The following AUTS2 variants were observed in gnomAD, a reference collection of about 807,000 sequenced individuals.
AUTS2 encodes the protein activator of transcription and developmental regulator AUTS2.
A neutral mutation model predicts 112.4 loss-of-function variants in AUTS2; 17 were observed. The ratio of observed to expected loss-of-function variants is 0.15; its 90% CI spans 0.10 to 0.23. The LOEUF (loss-of-function observed/expected upper bound fraction) is 0.23. Among genes scored for constraint, AUTS2 ranks in the 10% least tolerant of loss-of-function variants. The pLI is 1.00. For missense variants in AUTS2, 1,510 were observed against 1,701.6 expected (o/e 0.89, Z 1.98); for synonymous variants, 751 against 702.7 (o/e 1.07, Z -1.09).
At chr7:69,969,187 C>A (rs1179965084) in intron 2 of AUTS2, among the ~76,000 whole-genome samples, 1 of 151,820 alleles carries the variant, frequency 6.6e-6, no homozygotes, top group Non-Finnish European at 1.5e-5. Context: ...GTCATGGGAA[C>A]CTGAAACTCA....
At chr7:70,698,667 T>G in intron 6 of AUTS2, 47 bp downstream of exon 6, 3 of 1,404,610 alleles carry the variant, frequency 2.1e-6, no homozygotes, top group Non-Finnish European at 3.0e-6. Context: ...TTTATGTTAG[T>G]TTCATTGTCA....
At chr7:69,855,394 ACC>A (rs1334871619) in intron 1 of AUTS2, among the ~76,000 whole-genome samples, 2 of 152,184 alleles carry the variant, frequency 1.3e-5, no homozygotes, top group African/African-American at 4.8e-5. Context: ...TAGACAAGAA[ACC>A]TGACACCTGT....
intron 1 of AUTS2, among the ~76,000 whole-genome samples, chr7:69,672,272 C>G (rs1240511469): frequency 6.6e-6 from 1 of 151,760 alleles, no homozygotes; most frequent in Admixed American, 6.6e-5. Flanking sequence ...TTGGTCAGTC[C>G]GATCTCGAAC....
chr7:70,683,495 T>A (rs987469422), intron 5 of AUTS2, among the ~76,000 whole-genome samples: 2 of 152,198 alleles, frequency 1.3e-5, no homozygotes, highest in Non-Finnish European at 2.9e-5. Context: ...AAGCAGTATC[T>A]TGTTCCCAGT....
intron 5 of AUTS2, among the ~76,000 whole-genome samples, chr7:70,663,123 G>A (rs1016694139): frequency 1.1e-4 from 16 of 152,178 alleles, no homozygotes; most frequent in African/African-American, 2.9e-4. Flanking sequence ...GACCAGGTGC[G>A]ATGGCTCACG....
rs77094103 is a variant in AUTS2, at chr7:70,763,582, C to T, written c.1214+241C>T. Among the ~76,000 whole-genome samples the T allele has an allele frequency of 0.02, 3,047 of 151,530 alleles. 130 individuals are homozygous for T. The highest frequency in any genetic ancestry group is 0.067 in the African/African-American group (2,790 of 41,388). On this transcript the variant is annotated intron_variant, in intron 7 of 18. Transcript: ENST00000342771. ...AAGAAGTAAAATATTTATGGGCACT[C>T]GAGAGTGGAGGCGGAAGGAGAGGAA...
intron 4 of AUTS2, among the ~76,000 whole-genome samples, chr7:70,416,275 C>A (rs1386489545): frequency 6.6e-6 from 1 of 152,132 alleles, no homozygotes; most frequent in African/African-American, 2.4e-5. Context: ...CTACAACAAC[C>A]CATCACACTT....
intron 1 of AUTS2, chr7:69,663,157 A>G (rs768199751): frequency 5.3e-5 from 8 of 152,210 alleles, no homozygotes; most frequent in African/African-American, 9.6e-5. Flanking sequence ...TAATATTCCT[A>G]TGCCTAAGCT....
intron 5 of AUTS2, among the ~76,000 whole-genome samples, chr7:70,674,544 C>T (rs1253027832): frequency 6.6e-6 from 1 of 152,162 alleles, no homozygotes; most frequent in Non-Finnish European, 1.5e-5. Context: ...TTTCTGGTGT[C>T]AGCCAAGTGT....
intron 2 of AUTS2, among the ~76,000 whole-genome samples, chr7:70,086,189 TA>T: frequency 6.6e-6 from 1 of 152,248 alleles, no homozygotes; most frequent in Non-Finnish European, 1.5e-5. Context: ...TTTGTAAATG[TA>T]AATTTCTTCA....
intron 5 of AUTS2, among the ~76,000 whole-genome samples, chr7:70,625,455 A>G (rs1251006942): frequency 6.6e-6 from 1 of 152,222 alleles, no homozygotes; most frequent in Non-Finnish European, 1.5e-5. Context: ...CATTACACAA[A>G]GCACTCCTCA....
chr7:69,621,910 C>G (rs1415323999), intron 1 of AUTS2, among the ~76,000 whole-genome samples: 2 of 135,812 alleles, frequency 1.5e-5, no homozygotes, highest in East Asian at 2.2e-4. Flanking sequence ...TTCTTTCTTT[C>G]TTCATTTAGG....
At chr7:70,085,301 G>C (rs531530479) in intron 2 of AUTS2, among the ~76,000 whole-genome samples, 1 of 151,728 alleles carries the variant, frequency 6.6e-6, no homozygotes, top group Admixed American at 6.6e-5. Flanking sequence ...ATTTATGTCT[G>C]TGATCCATTT....
intron 1 of AUTS2, among the ~76,000 whole-genome samples, chr7:69,639,375 T>C (rs1794699647): frequency 6.6e-6 from 1 of 152,196 alleles, no homozygotes; most frequent in South Asian, 2.1e-4. Flanking sequence ...GAAAGTTCCC[T>C]GTTGGTGGCA....
At chr7:70,696,244 T>A (rs989642657) in intron 5 of AUTS2, among the ~76,000 whole-genome samples, 3 of 152,166 alleles carry the variant, frequency 2.0e-5, no homozygotes, top group African/African-American at 7.2e-5. Context: ...ATCTCTCTTC[T>A]GACTTGTTAG....
Position 70,346,444 on chromosome 7 carries a change from G to A in AUTS2, c.661-89308G>A, listed in dbSNP as rs992032427. On this transcript the variant is annotated intron_variant, in intron 4 of 18. Coordinates refer to ENST00000342771, the MANE Select transcript of AUTS2 (RefSeq NM_015570.4). The stretch of plus-strand genomic sequence containing the variant: ...AAGGCTTTCAAGTATAGGCCACTGG[G>A]TTCCACATCCCATACCTCTTACCTC... 1.9e-4 allele frequency among the ~76,000 whole-genome samples: 29 copies of A among 152,090 alleles called. 1 individual carries two copies. Among genetic ancestry groups the A allele is most frequent in the Non-Finnish European group, 3.1e-4 (21 of 68,024 alleles).
chr7:69,986,021 T>C (rs1427215016), intron 2 of AUTS2, among the ~76,000 whole-genome samples: 1 of 152,174 alleles, frequency 6.6e-6, no homozygotes, highest in African/African-American at 2.4e-5. Context: ...CCTCGACCTC[T>C]CAAAGTGCTG....
At chr7:70,392,990 G>A (rs1585093346) in intron 4 of AUTS2, among the ~76,000 whole-genome samples, 1 of 152,260 alleles carries the variant, frequency 6.6e-6, no homozygotes, top group Non-Finnish European at 1.5e-5. Context: ...CTGGCTGGAA[G>A]CTCAGCTCTT....
intron 6 of AUTS2, among the ~76,000 whole-genome samples, chr7:70,730,210 A>T (rs1787294349): frequency 7.0e-6 from 1 of 143,690 alleles, no homozygotes; most frequent in Non-Finnish European, 1.5e-5. Flanking sequence ...CAGTAAAAGG[A>T]CAACCAGTTT....
Sources: allele counts gnomAD v4.1 joint callset (sites outside exome capture counted in the v4.1 genomes callset), GRCh38; gene constraint gnomAD v4.1.1; transcripts MANE v1.5; gene names NCBI Gene and HGNC (gene_info 2026-07-23, HGNC 2026-07-21).